GAS7: variants seen among roughly 807,000 people sequenced by gnomAD.
GAS7 encodes growth arrest specific 7, also known as growth arrest-specific protein 7.
In GAS7, 28 loss-of-function variants were observed where a neutral mutation model predicts 71.1. The observed-to-expected ratio is 0.39, with a 90% CI of 0.29 to 0.54. The LOEUF (loss-of-function observed/expected upper bound fraction) is 0.54, where lower values mean the gene tolerates loss of function less well. Ranked by LOEUF, GAS7 falls within the 20% of genes least tolerant of loss-of-function variation. The pLI is 0.62. For synonymous variants in GAS7, 258 were observed against 245.8 expected (o/e 1.05, Z -0.46); for missense variants, 436 against 627.8 (o/e 0.69, Z 3.27).
chr17:10,136,984 C>T (rs2074043730), intron 1 of GAS7, among the ~76,000 whole-genome samples: 1 of 152,082 alleles, frequency 6.6e-6, no homozygotes, highest in Admixed American at 6.6e-5. Flanking sequence ...CATGGTGGCG[C>T]ACACCTGTAG....
intron 1 of GAS7, among the ~76,000 whole-genome samples, chr17:10,160,551 T>C (rs1051249943): frequency 2.0e-5 from 3 of 152,144 alleles, no homozygotes; most frequent in Non-Finnish European, 4.4e-5. Flanking sequence ...GAATCCCAGC[T>C]CCCTGTCTAG....
intron 5 of GAS7, among the ~76,000 whole-genome samples, chr17:9,948,631 C>T (rs1218387446): frequency 6.6e-6 from 1 of 151,488 alleles, no homozygotes; most frequent in African/African-American, 2.4e-5. Flanking sequence ...TGCAGTGAGC[C>T]GAGATTGTGC....
At chr17:9,937,492 C>A (rs765892926) in intron 8 of GAS7, among the ~76,000 whole-genome samples, 1 of 152,204 alleles carries the variant, frequency 6.6e-6, no homozygotes, top group African/African-American at 2.4e-5. Context: ...TCTCAGGCCC[C>A]GTGCATGGAG....
intron 3 of GAS7, among the ~76,000 whole-genome samples, chr17:9,979,089 A>G (rs987246460): frequency 3.3e-5 from 5 of 152,218 alleles, no homozygotes; most frequent in African/African-American, 1.2e-4. Flanking sequence ...AAGAGGGAGG[A>G]AAGCTTAACA....
At chr17:10,101,933 A>C (rs1022104277) in intron 1 of GAS7, among the ~76,000 whole-genome samples, 1 of 151,938 alleles carries the variant, frequency 6.6e-6, no homozygotes, top group Non-Finnish European at 1.5e-5. Flanking sequence ...TCTTCTATGA[A>C]ATTTTCTAAG....
At chr17:10,064,180 G>T (rs2073253863) in intron 1 of GAS7, among the ~76,000 whole-genome samples, 1 of 152,198 alleles carries the variant, frequency 6.6e-6, no homozygotes, top group Non-Finnish European at 1.5e-5. Context: ...CTCCCAGATT[G>T]ACGTTTTCAT....
intron 5 of GAS7, among the ~76,000 whole-genome samples, chr17:9,953,311 C>T (rs981046011): frequency 2.6e-5 from 4 of 152,056 alleles, no homozygotes; most frequent in Non-Finnish European, 4.4e-5. Context: ...GACTCATCAC[C>T]CTGCTGCTTC....
intron 1 of GAS7, among the ~76,000 whole-genome samples, chr17:10,041,800 G>A (rs1033488263): frequency 2.0e-5 from 3 of 152,200 alleles, no homozygotes; most frequent in Admixed American, 6.5e-5. Context: ...ACGAACGGCA[G>A]ACAGCAGAGA....
chr17:10,115,040 TGG>T (rs2073847823), intron 1 of GAS7, among the ~76,000 whole-genome samples: 5 of 152,206 alleles, frequency 3.3e-5, no homozygotes, highest in Admixed American at 2.0e-4. Context: ...TCTGTCTGGC[TGG>T]CTGGCTGGCT....
At position 10,010,476 on chromosome 17, in the gene GAS7, T is replaced by C. The variant is rs183350722; in HGVS notation, c.304+9301A>G. 1.7e-4 allele frequency among the ~76,000 whole-genome samples: 26 copies of C among 150,282 alleles called. No individual in the cohort carries two copies. In the East Asian group the frequency reaches 5.0e-3, roughly 29 times the overall value. Reference sequence around the variant, plus strand: ...CTGATTCTATTTCTTAAACCAGGTATTGTCAAACTTTTTCTGTTAAGGGTC... The same window carrying C: ...CTGATTCTATTTCTTAAACCAGGTACTGTCAAACTTTTTCTGTTAAGGGTC... On this transcript the variant is annotated intron_variant, in intron 2 of 13. Coordinates refer to ENST00000432992, the MANE Select transcript of GAS7 (RefSeq NM_201433.2).
chr17:9,977,851 A>G (rs1002813587), intron 3 of GAS7, among the ~76,000 whole-genome samples: 3 of 152,160 alleles, frequency 2.0e-5, no homozygotes, highest in African/African-American at 7.2e-5. Flanking sequence ...AACCTGCACT[A>G]ATAAGAATGA....
intron 9 of GAS7, among the ~76,000 whole-genome samples, chr17:9,932,829 C>T (rs945785739): frequency 1.3e-5 from 2 of 152,180 alleles, no homozygotes; most frequent in Non-Finnish European, 1.5e-5. Context: ...AGGACAGAAA[C>T]ACCCTGCCCT....
chr17:10,124,337 G>C (rs928687873), intron 1 of GAS7, among the ~76,000 whole-genome samples: 1 of 152,006 alleles, frequency 6.6e-6, no homozygotes, highest in African/African-American at 2.4e-5. Context: ...TCACTCCCTG[G>C]AGAGACCCAA....
At position 9,918,016 on chromosome 17, in the gene GAS7, G is replaced by GT. The variant is rs1486532298; in HGVS notation, c.1301dup (p.Asp434GlufsTer87). ...GGAAACTCACGCTTTGGTTGAACAT[G>GT]TCTGTTTCATGCCGCAGCTGCGTGT... On this transcript the variant is annotated frameshift_variant, in exon 13 of 14. Coordinates refer to ENST00000432992, the MANE Select transcript of GAS7 (RefSeq NM_201433.2). LOFTEE classifies it high-confidence loss of function. 1 of 1,612,760 alleles carries GT rather than the reference G, an allele frequency of 6.2e-7. No homozygotes were observed.
In GAS7 at chr17:10,123,455, G is replaced by A. The variant is rs1228046416; in HGVS notation, c.183+74753C>T. On this transcript the variant is annotated intron_variant, in intron 1 of 13. Transcript: ENST00000432992. ...AAGGTCACCCAGAATGGTTCCAAGA[G>A]GAGCCAGAATGTACCCATGCCTCTT... Among the ~76,000 whole-genome samples, 4 of 152,212 alleles carry A rather than the reference G, an allele frequency of 2.6e-5. No homozygotes were observed. In the East Asian group the frequency reaches 7.7e-4, roughly 29 times the overall value.
chr17:10,057,687 T>C (rs1273436538), intron 1 of GAS7, among the ~76,000 whole-genome samples: 4 of 141,952 alleles, frequency 2.8e-5, no homozygotes, highest in African/African-American at 1.1e-4. Flanking sequence ...CGCCTCTGCC[T>C]GGCCGCCCCT....
At chr17:9,999,546 C>T (rs1048716771) in intron 2 of GAS7, among the ~76,000 whole-genome samples, 1 of 151,896 alleles carries the variant, frequency 6.6e-6, no homozygotes, top group African/African-American at 2.4e-5. Flanking sequence ...CTCAAAATCA[C>T]TGAGTATTGC....
intron 1 of GAS7, among the ~76,000 whole-genome samples, chr17:10,151,112 G>A (rs1251768184): frequency 1.3e-5 from 2 of 152,168 alleles, no homozygotes; most frequent in Admixed American, 6.5e-5. Context: ...TGGTTCTGAG[G>A]TTCCCTGGAC....
intron 5 of GAS7, among the ~76,000 whole-genome samples, chr17:9,954,859 G>C (rs1357588829): frequency 6.6e-6 from 1 of 152,014 alleles, no homozygotes; most frequent in Non-Finnish European, 1.5e-5. Flanking sequence ...CATCCATTGG[G>C]ATGGAAGATG....
Sources: allele counts gnomAD v4.1 joint callset (sites outside exome capture counted in the v4.1 genomes callset), GRCh38; gene constraint gnomAD v4.1.1; transcripts MANE v1.5; gene names NCBI Gene and HGNC (gene_info 2026-07-23, HGNC 2026-07-21).